The following REEP1 variants were observed in gnomAD, a reference collection of about 807,000 sequenced individuals.
REEP1 encodes receptor accessory protein 1, also known as receptor expression-enhancing protein 1.
Under a neutral mutation model 40.3 loss-of-function variants are expected in REEP1, and 22 were observed. The ratio of observed to expected loss-of-function variants is 0.55; its 90% CI spans 0.39 to 0.78. The LOEUF (loss-of-function observed/expected upper bound fraction) is 0.78, where lower values mean the gene tolerates loss of function less well. Ranked by LOEUF, REEP1 falls within the 30% of genes least tolerant of loss-of-function variation. REEP1 has a pLI of 0.00. For synonymous variants in REEP1, 116 were observed against 139.2 expected, an observed-to-expected ratio of 0.83 and a Z score of 1.17; for missense variants, 280 against 361.1, an observed-to-expected ratio of 0.78 and a Z score of 1.82.
At chr2:86,315,691 T>A (rs1679964379) in intron 1 of REEP1, among the ~76,000 whole-genome samples, 1 of 152,166 alleles carries the variant, frequency 6.6e-6, no homozygotes, top group Admixed American at 6.5e-5. Context: ...TTGGTGGTTT[T>A]GGATAGCCCA....
At chr2:86,302,525 A>C (rs936233200) in intron 1 of REEP1, among the ~76,000 whole-genome samples, 1 of 152,200 alleles carries the variant, frequency 6.6e-6, no homozygotes, top group Non-Finnish European at 1.5e-5. Context: ...CTGGGAATCT[A>C]TCCAAAAGAA....
chr2:86,325,111 A>G (rs907258799), intron 1 of REEP1, among the ~76,000 whole-genome samples: 1 of 152,192 alleles, frequency 6.6e-6, no homozygotes, highest in Non-Finnish European at 1.5e-5. Flanking sequence ...AGCCAGGTGC[A>G]GTGGCTCACA....
At chr2:86,280,314 A>G (rs1678004252) in intron 2 of REEP1, among the ~76,000 whole-genome samples, 1 of 152,242 alleles carries the variant, frequency 6.6e-6, no homozygotes, top group South Asian at 2.1e-4. Flanking sequence ...CAACACAAAC[A>G]GCTGCTCTGC....
At chr2:86,229,239 G>C (rs80017367) in intron 6 of REEP1, among the ~76,000 whole-genome samples, 4,779 of 152,322 alleles carry the variant, frequency 0.031, 169 homozygotes, top group East Asian at 0.19. Context: ...CTATGGTAGC[G>C]ACTGCCTGGG....
chr2:86,310,547 G>A (rs927392750), intron 1 of REEP1, among the ~76,000 whole-genome samples: 4 of 152,104 alleles, frequency 2.6e-5, no homozygotes, highest in Non-Finnish European at 5.9e-5. Flanking sequence ...CTATTATTAA[G>A]CAATGCATAA....
At chr2:86,223,095 G>C (rs1674512247) in intron 7 of REEP1, among the ~76,000 whole-genome samples, 1 of 152,230 alleles carries the variant, frequency 6.6e-6, no homozygotes, top group Non-Finnish European at 1.5e-5. Flanking sequence ...GGTGGCCACG[G>C]CCTTGAGCCT....
At chr2:86,324,947 C>T (rs1254718106) in intron 1 of REEP1, among the ~76,000 whole-genome samples, 5 of 152,212 alleles carry the variant, frequency 3.3e-5, no homozygotes, top group African/African-American at 1.2e-4. Context: ...TGTTCTAGTT[C>T]TTAAACTGGC....
intron 5 of REEP1, among the ~76,000 whole-genome samples, chr2:86,239,147 C>G (rs1178438428): frequency 6.8e-6 from 1 of 147,658 alleles, no homozygotes; most frequent in East Asian, 2.0e-4. Context: ...CTCAAGGTCA[C>G]CCTGAGGACC....
chr2:86,264,052 A>G lies in REEP1; in HGVS notation c.106-11T>C. 1.1e-5 allele frequency: 18 copies of G among 1,606,108 alleles called. No individual in the cohort carries two copies. Among genetic ancestry groups the G allele is most frequent in the Non-Finnish European group, 1.5e-5 (18 of 1,172,708 alleles). ...CATCATCCATTTGACCTGTTGAAACAGAAAGCAACACAGCTGGTAGAAAAG... is the reference window on the plus strand; with the variant it reads ...CATCATCCATTTGACCTGTTGAAACGGAAAGCAACACAGCTGGTAGAAAAG... On this transcript the variant is annotated splice_polypyrimidine_tract_variant and intron_variant, in intron 2 of 8. Transcript: ENST00000538924.
chr2:86,336,947 AAGG>A (rs1558944627), intron 1 of REEP1: 2 of 152,476 alleles, frequency 1.3e-5, no homozygotes, highest in East Asian at 3.9e-4. Context: ...GACACCTAAA[AAGG>A]AGGATTTTTC....
intron 3 of REEP1, among the ~76,000 whole-genome samples, chr2:86,256,611 T>C (rs1219321261): frequency 1.3e-5 from 2 of 152,086 alleles, no homozygotes; most frequent in Non-Finnish European, 2.9e-5. Flanking sequence ...ATGTGGAACA[T>C]GTTAAAGGCC....
intron 5 of REEP1, among the ~76,000 whole-genome samples, chr2:86,249,046 G>T (rs951436607): frequency 1.3e-5 from 2 of 152,066 alleles, no homozygotes; most frequent in African/African-American, 4.8e-5. Flanking sequence ...ATCACCTGAG[G>T]TCAGGAGTTC....
intron 3 of REEP1, among the ~76,000 whole-genome samples, chr2:86,259,215 C>A (rs56282355): frequency 6.7e-6 from 1 of 149,954 alleles, no homozygotes; most frequent in South Asian, 2.1e-4. Flanking sequence ...ACTTGAACCT[C>A]GGAGGCAGAG....
chr2:86,228,456 C>T (rs1674837144), intron 6 of REEP1, among the ~76,000 whole-genome samples: 1 of 137,796 alleles, frequency 7.3e-6, no homozygotes, highest in Non-Finnish European at 1.6e-5. Context: ...ATCCCCTTCA[C>T]TTTTTTTTTT....
At chr2:86,257,023 G>A (rs187948585) in intron 3 of REEP1, among the ~76,000 whole-genome samples, 29 of 152,284 alleles carry the variant, frequency 1.9e-4, no homozygotes, top group African/African-American at 7.0e-4. Context: ...TTCTGCCTCT[G>A]GTGGGTGCTT....
intron 2 of REEP1, among the ~76,000 whole-genome samples, chr2:86,268,044 T>A (rs564046374): frequency 7.2e-5 from 11 of 152,054 alleles, no homozygotes; most frequent in Non-Finnish European, 1.5e-4. Context: ...ACAGCTAACA[T>A]TAGACTTACT....
At chr2:86,333,401 C>A (rs1238183985) in intron 1 of REEP1, among the ~76,000 whole-genome samples, 1 of 152,188 alleles carries the variant, frequency 6.6e-6, no homozygotes, top group East Asian at 1.9e-4. Context: ...TCTTGATCAT[C>A]ACACTGTATT....
At chr2:86,337,953 G>A, upstream of REEP1, 1 of 1,396,154 alleles carries the variant, frequency 7.2e-7, no homozygotes, top group Non-Finnish European at 9.8e-7. This position sits in a 1 kb window ranked among gnomAD's most constrained non-coding sequence, Gnocchi z 5.8. Flanking sequence ...TCGGGAATCT[G>A]TCTGCACCTG....
At chr2:86,252,778 G>C (rs2104230736) in intron 4 of REEP1, among the ~76,000 whole-genome samples, 1 of 152,336 alleles carries the variant, frequency 6.6e-6, no homozygotes, top group East Asian at 1.9e-4. Context: ...GGATAAGGGA[G>C]ATTGTTTTAC....
Sources: gnomAD v4.1 joint callset for allele counts (sites outside exome capture counted in the v4.1 genomes callset) on GRCh38, gnomAD v4.1.1 for gene constraint, Gnocchi (gnomAD v3.1) non-coding constraint, MANE v1.5 for transcripts, NCBI Gene and HGNC (gene_info 2026-07-23, HGNC 2026-07-21) for gene names.